RBM26: variants seen among roughly 807,000 people sequenced by gnomAD.
RBM26 encodes RNA-binding protein 26.
Under a neutral mutation model 123.6 loss-of-function variants are expected in RBM26, and 30 were observed. The ratio of observed to expected loss-of-function variants is 0.24; its 90% CI spans 0.18 to 0.33. RBM26 has a LOEUF of 0.33. Ranked by LOEUF, RBM26 falls within the 10% of genes least tolerant of loss-of-function variation. The pLI is 1.00. For missense variants in RBM26, 947 were observed against 1,203.6 expected (o/e 0.79, Z 3.15); for synonymous variants, 400 against 404.4 (o/e 0.99, Z 0.13).
At chr13:79,395,165 G>C (rs11842129) in intron 1 of RBM26, among the ~76,000 whole-genome samples, 2,958 of 152,090 alleles carry the variant, frequency 0.019, 100 homozygotes, top group African/African-American at 0.067. Context: ...ACCAACTAAA[G>C]GGAACACAAA....
downstream of RBM26, among the ~76,000 whole-genome samples, chr13:79,318,321 A>T (rs2067336723): frequency 6.6e-6 from 1 of 151,268 alleles, no homozygotes; most frequent in South Asian, 2.1e-4. Context: ...CCCACTAGCT[A>T]TGACTGGGCA....
chr13:79,378,760 T>C (rs765745012), intron 2 of RBM26, 29 bp downstream of exon 2: 8 of 1,335,094 alleles, frequency 6.0e-6, no homozygotes, highest in East Asian at 2.3e-5. Context: ...TTTTAAAATA[T>C]AGTAGTATTT....
At chr13:79,356,302 G>A (rs1239684166) in intron 11 of RBM26, among the ~76,000 whole-genome samples, 1 of 145,654 alleles carries the variant, frequency 6.9e-6, no homozygotes, top group Admixed American at 7.3e-5. Flanking sequence ...CCAGGAGGTC[G>A]AGGCTACAAA....
At chr13:79,405,555 G>C in intron 1 of RBM26, 149 bp downstream of exon 1, 1 of 440,516 alleles carries the variant, frequency 2.3e-6, no homozygotes, top group South Asian at 5.7e-5. Flanking sequence ...CTGGAAGCGA[G>C]GTGGACGAGG....
At chr13:79,341,803 G>C (rs2071416305) in intron 17 of RBM26, among the ~76,000 whole-genome samples, 1 of 151,668 alleles carries the variant, frequency 6.6e-6, no homozygotes, top group African/African-American at 2.4e-5. Flanking sequence ...TTGGGGCCAG[G>C]GAGAGGCGAT....
chr13:79,373,431 A>T, intron 3 of RBM26, among the ~76,000 whole-genome samples: 1 of 43,624 alleles, frequency 2.3e-5, no homozygotes, highest in Non-Finnish European at 3.9e-5. Context: ...TAAAATATAA[A>T]TATATATTAT....
At chr13:79,382,844 A>C (rs2077170824) in intron 1 of RBM26, among the ~76,000 whole-genome samples, 1 of 152,188 alleles carries the variant, frequency 6.6e-6, no homozygotes, top group Non-Finnish European at 1.5e-5. Context: ...TAAATGCATA[A>C]ACAAACTCAA....
At chr13:79,357,630 A>G (rs562192750) in intron 11 of RBM26, among the ~76,000 whole-genome samples, 37 of 152,318 alleles carry the variant, frequency 2.4e-4, no homozygotes, top group African/African-American at 8.2e-4. Context: ...GTCTCTATTA[A>G]GTGCATCCCA....
chr13:79,330,632 A>G (rs1280870192), intron 20 of RBM26, among the ~76,000 whole-genome samples: 1 of 152,174 alleles, frequency 6.6e-6, no homozygotes, highest in Non-Finnish European at 1.5e-5. Context: ...TAATATAACT[A>G]ATATATAAAA....
At chr13:79,335,781 G>T (rs1254209146) in intron 19 of RBM26, among the ~76,000 whole-genome samples, 1 of 151,942 alleles carries the variant, frequency 6.6e-6, no homozygotes, top group East Asian at 1.9e-4. Context: ...TTGTCTGTTT[G>T]GATTATTTTA....
chr13:79,371,156 A>G lies in RBM26; in HGVS notation c.423T>C (p.Arg141=), dbSNP rs1490962390. The G allele has an allele frequency of 1.2e-6, 2 of 1,613,028 alleles. No homozygotes were observed. Among genetic ancestry groups the G allele is most frequent in the Non-Finnish European group, 1.7e-6 (2 of 1,179,618 alleles). The change falls in exon 5 of 22, where the codon CGT becomes CGC. Residue 141 remains arginine (R), a synonymous_variant. Coordinates refer to ENST00000438737, the MANE Select transcript of RBM26 (RefSeq NM_001366735.2). ...SSSRYRENRS[R]DERKKDDRSR... is the part of the protein sequence containing the mutation. ...AACGATCATCTTTTTTCCTCTCATC[A>G]CGGCTTCTAAAGAAATATGTGATCA...
At chr13:79,364,231 T>C (rs982087655) in intron 9 of RBM26, among the ~76,000 whole-genome samples, 2 of 152,170 alleles carry the variant, frequency 1.3e-5, no homozygotes, top group Non-Finnish European at 1.5e-5. Context: ...TAAAAGAGGA[T>C]ATAAATCTGA....
intron 11 of RBM26, among the ~76,000 whole-genome samples, chr13:79,357,217 A>C (rs2074128517): frequency 6.6e-6 from 1 of 152,156 alleles, no homozygotes; most frequent in African/African-American, 2.4e-5. Context: ...CCCTACCTGA[A>C]TCAAACATGA....
At chr13:79,357,199 C>G (rs2074125060) in intron 11 of RBM26, among the ~76,000 whole-genome samples, 1 of 152,066 alleles carries the variant, frequency 6.6e-6, no homozygotes, top group Non-Finnish European at 1.5e-5. Flanking sequence ...ATGTATATAT[C>G]TCTGTTGCCC....
rs534909182 is a variant in RBM26, at chr13:79,373,403, T to A, written c.328-1473A>T. Among the ~76,000 whole-genome samples, 2 of 59,656 alleles carry A rather than the reference T, an allele frequency of 3.4e-5. 1 individual carries two copies. The highest frequency in any genetic ancestry group is 5.7e-5 in the Non-Finnish European group (2 of 35,382). The allele number at this position is 59,656 out of a possible 152,430, so 39.1% of individuals were successfully genotyped here. On this transcript the variant is annotated intron_variant, in intron 3 of 21. Transcript: ENST00000438737. ...TATATATAAATATATATAATATATATTATATACTATATATAAATAAAATAT... is the reference window on the plus strand; with the variant it reads ...TATATATAAATATATATAATATATAATATATACTATATATAAATAAAATAT...
chr13:79,371,188 T>C (rs749648823), intron 4 of RBM26, 26 bp from the exon 5 acceptor site: 3 of 1,553,206 alleles, frequency 1.9e-6, no homozygotes, highest in Admixed American at 1.8e-5. Context: ...ATCACTTTAA[T>C]ACAAATAATT....
Position 79,322,479 on chromosome 13 carries a change from T to C in RBM26, c.2821-17A>G. On this transcript the variant is annotated splice_polypyrimidine_tract_variant and intron_variant, in intron 20 of 21. Transcript: ENST00000438737. Reference sequence around the variant, plus strand: ...AACTGCAGCCTAAAATGATTAAAAATATTGGAATATAAGACATTAAAAATT... The same window carrying C: ...AACTGCAGCCTAAAATGATTAAAAACATTGGAATATAAGACATTAAAAATT... The C allele has an allele frequency of 1.3e-6, 2 of 1,494,826 alleles. No homozygotes were observed. The highest frequency in any genetic ancestry group is 1.5e-5 in the African/African-American group (1 of 68,606). 92.6% of individuals were successfully genotyped at this position (1,494,826 alleles called of 1,614,324 possible). A position where few individuals can be genotyped will look rare whatever the true frequency, so the allele number is the denominator to read the frequency against.
rs867475763 is a variant in RBM26, at chr13:79,368,915, G to A, written c.710C>T (p.Ser237Leu). ...PLENNYTPVS[S>L]VPSISSGHYP... Reference sequence around the variant, plus strand: ...GTGGCCAGATGAAATACTAGGTACCGAAGAGACTGGAGTATAATTATTTTC... The same window carrying A: ...GTGGCCAGATGAAATACTAGGTACCAAAGAGACTGGAGTATAATTATTTTC... The change falls in exon 6 of 22, where the codon TCG becomes TTG. Residue 237 changes from serine to leucine, a missense_variant. This residue lies in a region of RBM26 where 275 missense variants were observed against 361.0 expected (regional missense o/e 0.76). Transcript: ENST00000438737. 7.5e-6 allele frequency: 12 copies of A among 1,610,200 alleles called. No individual in the cohort carries two copies. Among genetic ancestry groups the A allele is most frequent in the East Asian group, 2.2e-5 (1 of 44,832 alleles).
At chr13:79,367,428 A>AAAAAAAAAAAAAAAAAAAAAG in intron 6 of RBM26, among the ~76,000 whole-genome samples, 1 of 43,408 alleles carries the variant, frequency 2.3e-5, no homozygotes, top group Non-Finnish European at 5.4e-5. Flanking sequence ...AAAAAAAAAA[A>AAAAAAAAAAAAAAAAAAAAAG]AAAAGAAGAA....
Sources: gnomAD v4.1 joint callset for allele counts (sites outside exome capture counted in the v4.1 genomes callset) on GRCh38, gnomAD v4.1.1 for gene constraint, gnomAD v4.1.1 regional missense constraint, MANE v1.5 for transcripts, NCBI Gene and HGNC (gene_info 2026-07-23, HGNC 2026-07-21) for gene names.